The following SNX31 variants were observed in gnomAD, a reference collection of about 807,000 sequenced individuals.
SNX31 encodes sorting nexin 31, also known as sorting nexin-31.
In SNX31, 58 loss-of-function variants were observed where a neutral mutation model predicts 65.4. The observed-to-expected ratio is 0.89, with a 90% confidence interval of 0.72 to 1.10. The LOEUF (loss-of-function observed/expected upper bound fraction) is 1.10. Among genes scored for constraint, SNX31 ranks in the 50% least tolerant of loss-of-function variants. The pLI is 0.00. For synonymous variants in SNX31, 181 were observed against 190.1 expected, an observed-to-expected ratio of 0.95 and a Z score of 0.39; for missense variants, 523 against 529.7, an observed-to-expected ratio of 0.99 and a Z score of 0.12.
At chr8:100,644,400 T>C (rs1819483672) in intron 2 of SNX31, among the ~76,000 whole-genome samples, 1 of 152,168 alleles carries the variant, frequency 6.6e-6, no homozygotes. Flanking sequence ...CAGATTTCTT[T>C]AAATCTATTT....
intron 10 of SNX31, among the ~76,000 whole-genome samples, chr8:100,595,265 A>G (rs1167910986): frequency 6.6e-6 from 1 of 151,724 alleles, no homozygotes; most frequent in Non-Finnish European, 1.5e-5. Context: ...CCATCCACAC[A>G]GGGCATGTTG....
intron 2 of SNX31, among the ~76,000 whole-genome samples, chr8:100,636,772 A>T (rs923974886): frequency 1.3e-5 from 2 of 151,708 alleles, no homozygotes; most frequent in African/African-American, 4.9e-5. Flanking sequence ...CCCAGGCTGG[A>T]GTGCAATGGC....
At chr8:100,582,502 T>A (rs1813638704) in intron 12 of SNX31, 1 of 152,208 alleles carries the variant, frequency 6.6e-6, no homozygotes, top group Non-Finnish European at 1.5e-5. Flanking sequence ...TCTTGAATTG[T>A]TCAGTCACCA....
chr8:100,586,074 C>T (rs1360448700), intron 11 of SNX31, among the ~76,000 whole-genome samples: 2 of 152,154 alleles, frequency 1.3e-5, no homozygotes, highest in African/African-American at 4.8e-5. Context: ...GTGCCTGCCA[C>T]CATGCCCAGA....
chr8:100,596,869 G>C, intron 9 of SNX31, 27 bp from the exon 10 acceptor site: 1 of 1,605,888 alleles, frequency 6.2e-7, no homozygotes, highest in Non-Finnish European at 8.5e-7. Context: ...GATGTGGGGG[G>C]AGGGGAGGCA....
chr8:100,613,839 G>T lies in SNX31; in HGVS notation c.433-754C>A, dbSNP rs539713907. ...ACCACAGGCTTCCTCCCTGCCATCT[G>T]CCCAGCCCAGCCCCTATTTAACACT... is the stretch of plus-strand genomic sequence containing the variant. On this transcript the variant is annotated intron_variant, in intron 5 of 13. Coordinates refer to ENST00000311812, the MANE Select transcript of SNX31 (RefSeq NM_152628.4). The surrounding 1 kb of genome is among the most constrained non-coding windows in gnomAD (Gnocchi z 5.2). Among the ~76,000 whole-genome samples the T allele has an allele frequency of 6.6e-6, 1 of 152,168 alleles. No individual in the cohort carries two copies. The highest frequency in any genetic ancestry group is 2.4e-5 in the African/African-American group (1 of 41,518).
chr8:100,600,411 T>C lies in SNX31; in HGVS notation c.712A>G (p.Lys238Glu). The change falls in exon 9 of 14, where the codon AAA (lysine) becomes GAA (glutamate). Residue 238 changes from lysine (K) to glutamate (E), a missense_variant. Lys to Glu is a moderately conservative substitution (Grantham distance 56). Coordinates refer to ENST00000311812, the MANE Select transcript of SNX31 (RefSeq NM_152628.4). ...AIQDIEKGWA[K>E]PTQAQRQKLE... ...TTCTGCCTCTGTGCCTGTGTGGGTT[T>C]GGCCCATCCTTTTTCAATGTCCTGT... 1.9e-6 allele frequency: 3 copies of C among 1,613,788 alleles called. No individual in the cohort carries two copies. Among genetic ancestry groups the C allele is most frequent in the Non-Finnish European group, 2.5e-6 (3 of 1,179,840 alleles).
rs756362866 is a variant in SNX31, at chr8:100,614,751, G to A, written c.433-1666C>T. Among the ~76,000 whole-genome samples, 17 of 152,248 alleles carry A rather than the reference G, an allele frequency of 1.1e-4. No individual in the cohort carries two copies. The highest frequency in any genetic ancestry group is 3.4e-3 in the Middle Eastern group (1 of 294). ...AAAAATTAGCTGGGTATGGTGGCAC[G>A]TGCTTGTAATCCCAGCTACTCAGGA... On this transcript the variant is annotated intron_variant, in intron 5 of 13. Coordinates refer to ENST00000311812, the MANE Select transcript of SNX31 (RefSeq NM_152628.4). This position sits in a 1 kb window ranked among gnomAD's most constrained non-coding sequence, Gnocchi z 5.1.
At chr8:100,658,714 T>C in intron 1 of SNX31, among the ~76,000 whole-genome samples, 1 of 152,204 alleles carries the variant, frequency 6.6e-6, no homozygotes, top group African/African-American at 2.4e-5. Context: ...TCTGCAGTGA[T>C]CTGTGGGACA....
intron 8 of SNX31, 121 bp downstream of exon 8, chr8:100,608,373 A>T: frequency 1.2e-6 from 1 of 839,286 alleles, no homozygotes; most frequent in East Asian, 2.7e-5. Context: ...TTCTGTCTCT[A>T]TGAATGTGCC....
intron 12 of SNX31, 65 bp from the exon 13 acceptor site, chr8:100,577,140 T>C: frequency 7.4e-7 from 1 of 1,344,616 alleles, no homozygotes; most frequent in Non-Finnish European, 1.1e-6. Flanking sequence ...ACAATCTATT[T>C]AACTAGCACA....
intron 12 of SNX31, chr8:100,582,548 G>A (rs924642468): frequency 2.6e-5 from 4 of 152,122 alleles, no homozygotes; most frequent in African/African-American, 4.8e-5. Context: ...GAAAAGGTAC[G>A]TTCAGTTCTA....
At chr8:100,632,771 C>G (rs926317084) in intron 3 of SNX31, among the ~76,000 whole-genome samples, 11 of 145,822 alleles carry the variant, frequency 7.5e-5, no homozygotes, top group African/African-American at 3.0e-4. Context: ...GACACTGACT[C>G]TAAAAAAAAT....
chr8:100,595,314 GTTT>G (rs1168302108), intron 10 of SNX31, among the ~76,000 whole-genome samples: 1 of 125,544 alleles, frequency 8.0e-6, no homozygotes, highest in Non-Finnish European at 1.6e-5. Context: ...GGAATTTGTT[GTTT>G]TTTTTTTTTT....
At chr8:100,597,235 A>G (rs1021845687) in intron 9 of SNX31, among the ~76,000 whole-genome samples, 1 of 152,020 alleles carries the variant, frequency 6.6e-6, no homozygotes, top group East Asian at 1.9e-4. Context: ...TAAACAAAAA[A>G]GTGTACATTG....
intron 1 of SNX31, among the ~76,000 whole-genome samples, chr8:100,659,155 G>A (rs1809726911): frequency 1.3e-5 from 2 of 151,970 alleles, no homozygotes; most frequent in Non-Finnish European, 2.9e-5. Flanking sequence ...AGACCAGACT[G>A]GCCAACATGG....
chr8:100,593,500 C>A (rs4734463), intron 10 of SNX31, among the ~76,000 whole-genome samples: 8,294 of 151,982 alleles, frequency 0.055, 492 homozygotes, highest in Admixed American at 0.17. Context: ...GTCTCCCAGG[C>A]TGGAGTGCAG....
intron 11 of SNX31, among the ~76,000 whole-genome samples, chr8:100,584,914 G>A (rs1218874789): frequency 1.3e-5 from 2 of 151,700 alleles, no homozygotes; most frequent in African/African-American, 2.4e-5. Flanking sequence ...TAGTAGAGAC[G>A]GGGTTTCACC....
chr8:100,655,975 T>TA (rs1473133875), intron 1 of SNX31, among the ~76,000 whole-genome samples: 1 of 152,186 alleles, frequency 6.6e-6, no homozygotes, highest in African/African-American at 2.4e-5. Flanking sequence ...ATGAGTCTTG[T>TA]AAAGTGCTCC....
Sources: allele counts gnomAD v4.1 joint callset (sites outside exome capture counted in the v4.1 genomes callset), GRCh38; gene constraint gnomAD v4.1.1; non-coding constraint Gnocchi (gnomAD v3.1); transcripts MANE v1.5; gene names NCBI Gene and HGNC (gene_info 2026-07-23, HGNC 2026-07-21).